The following CADPS2 variants were observed in gnomAD, a reference collection of about 807,000 sequenced individuals.
The protein encoded by CADPS2 is calcium dependent secretion activator 2.
In CADPS2, 93 loss-of-function variants were observed where a neutral mutation model predicts 172.5. The ratio of observed to expected loss-of-function variants is 0.54; its 90% CI spans 0.46 to 0.64. The LOEUF (loss-of-function observed/expected upper bound fraction) is 0.64, where lower values mean the gene tolerates loss of function less well. CADPS2 is among the 30% of genes least tolerant of loss of function. CADPS2 has a pLI of 0.00. For missense variants in CADPS2, 1,420 were observed against 1,565.9 expected, an observed-to-expected ratio of 0.91 and a Z score of 1.57; for synonymous variants, 546 against 555.2, an observed-to-expected ratio of 0.98 and a Z score of 0.23.
intron 3 of CADPS2, among the ~76,000 whole-genome samples, chr7:122,641,703 G>T (rs1483398994): frequency 6.6e-6 from 1 of 151,944 alleles, no homozygotes; most frequent in Non-Finnish European, 1.5e-5. Context: ...CTTTGTAAAG[G>T]AACACTAAAA....
intron 3 of CADPS2, among the ~76,000 whole-genome samples, chr7:122,660,884 T>C (rs1236923053): frequency 6.6e-6 from 1 of 152,008 alleles, no homozygotes; most frequent in Non-Finnish European, 1.5e-5. Context: ...CCCTCCAGCC[T>C]GGACAACAGA....
At chr7:122,513,394 G>A in intron 8 of CADPS2, 79 bp from the exon 9 acceptor site, 2 of 1,197,756 alleles carry the variant, frequency 1.7e-6, no homozygotes, top group South Asian at 1.4e-5. Context: ...TCTTCCATAG[G>A]TATTTATTTT....
chr7:122,635,893 ATCTAT>A (rs1159182153), intron 3 of CADPS2, among the ~76,000 whole-genome samples: 2 of 151,348 alleles, frequency 1.3e-5, no homozygotes, highest in Non-Finnish European at 2.9e-5. Context: ...TTGGTTTCAA[ATCTAT>A]TCTATCTGAT....
intron 1 of CADPS2, among the ~76,000 whole-genome samples, chr7:122,766,679 A>G (rs1043372097): frequency 1.3e-5 from 2 of 152,166 alleles, no homozygotes; most frequent in Non-Finnish European, 2.9e-5. Context: ...TACCAGTGTA[A>G]AAGTAAAGCT....
intron 29 of CADPS2, among the ~76,000 whole-genome samples, chr7:122,324,978 C>CA (rs1294980518): frequency 2.0e-5 from 3 of 152,048 alleles, no homozygotes; most frequent in Admixed American, 6.6e-5. Flanking sequence ...CTCCAACACT[C>CA]AAACTGATTA....
At chr7:122,524,235 T>C (rs997448436) in intron 8 of CADPS2, among the ~76,000 whole-genome samples, 1 of 152,220 alleles carries the variant, frequency 6.6e-6, no homozygotes. Flanking sequence ...TCCCAAGATA[T>C]AACAAAATGA....
At chr7:122,642,277 C>G (rs1415079824) in intron 3 of CADPS2, among the ~76,000 whole-genome samples, 2 of 104,434 alleles carry the variant, frequency 1.9e-5, no homozygotes, top group Admixed American at 1.0e-4. Context: ...GAGACTCCAT[C>G]TCAAAAAAAA....
In CADPS2 at chr7:122,379,422, T is replaced by C. The variant is rs2042735249; in HGVS notation, c.3333A>G (p.Ile1111Met). The C allele has an allele frequency of 6.2e-7, 1 of 1,603,398 alleles. No individual in the cohort carries two copies. Among genetic ancestry groups the C allele is most frequent in the East Asian group, 2.2e-5 (1 of 44,640 alleles). ...TTACACTGTTGTCGATCAGATCATC[T>C]ATTTTTGAATGGTACTGTTGCTAGA... ...GGQEQQYHSKIDDLIDNSVKE... is the reference protein window; with the variant it reads ...GGQEQQYHSKMDDLIDNSVKE... The change falls in exon 25 of 30, where the codon ATA becomes ATG. Residue 1111 changes from isoleucine (I) to methionine (M), a missense_variant. By Grantham distance (10) the Ile-to-Met change is conservative. Coordinates refer to ENST00000449022, the MANE Select transcript of CADPS2 (RefSeq NM_017954.11).
In CADPS2 at chr7:122,645,250, T is replaced by C. The variant is rs564264638; in HGVS notation, c.787-15922A>G. ...CGCTAAGTATATATATACACACATG[T>C]ACATGTGTGTATACATGTACATATA... On this transcript the variant is annotated intron_variant, in intron 3 of 29. Transcript: ENST00000449022. Among the ~76,000 whole-genome samples, 67 of 144,988 alleles carry C rather than the reference T, an allele frequency of 4.6e-4. 2 individuals are homozygous for C. The highest frequency in any genetic ancestry group is 8.3e-4 in the Non-Finnish European group (55 of 66,036).
At chr7:122,796,297 T>C (rs1264380601) in intron 1 of CADPS2, among the ~76,000 whole-genome samples, 1 of 152,214 alleles carries the variant, frequency 6.6e-6, no homozygotes, top group Non-Finnish European at 1.5e-5. Flanking sequence ...AAGCAATTTA[T>C]AATTCAATGC....
chr7:122,387,599 A>G (rs557633898), intron 23 of CADPS2, among the ~76,000 whole-genome samples: 1 of 152,222 alleles, frequency 6.6e-6, no homozygotes, highest in East Asian at 1.9e-4. Context: ...AATAAGCACA[A>G]ACCTAGAAAA....
chr7:122,581,559 A>G (rs1008295794), intron 6 of CADPS2, among the ~76,000 whole-genome samples: 2 of 152,160 alleles, frequency 1.3e-5, no homozygotes, highest in African/African-American at 2.4e-5. Context: ...AGGTAAAGCA[A>G]TATAGTTGTA....
At chr7:122,688,287 T>C (rs1316819009) in intron 2 of CADPS2, among the ~76,000 whole-genome samples, 1 of 152,208 alleles carries the variant, frequency 6.6e-6, no homozygotes. Flanking sequence ...CACCAGCAAG[T>C]GAAATCAAAG....
chr7:122,619,207 T>C (rs1024446659), intron 5 of CADPS2, among the ~76,000 whole-genome samples: 6 of 152,192 alleles, frequency 3.9e-5, no homozygotes, highest in African/African-American at 1.4e-4. Flanking sequence ...TTTAAGATTT[T>C]TGAACAATAG....
intron 25 of CADPS2, 24 bp from the exon 26 acceptor site, chr7:122,361,037 T>C: frequency 1.3e-6 from 2 of 1,580,356 alleles, no homozygotes; most frequent in Non-Finnish European, 1.7e-6. Context: ...ATAGTGAGTA[T>C]TTAGAATGTT....
chr7:122,617,829 C>G (rs1284557688), intron 5 of CADPS2, among the ~76,000 whole-genome samples: 12 of 152,184 alleles, frequency 7.9e-5, no homozygotes, highest in East Asian at 5.8e-4. Context: ...ATATCATGAG[C>G]TCAGGAGATC....
chr7:122,373,883 AG>A (rs2042050458), intron 25 of CADPS2, among the ~76,000 whole-genome samples: 1 of 152,198 alleles, frequency 6.6e-6, no homozygotes, highest in Admixed American at 6.5e-5. Context: ...AAAACAGAAG[AG>A]GGAACACTTC....
At chr7:122,681,342 C>T (rs932286810) in intron 2 of CADPS2, 34 of 1,413,570 alleles carry the variant, frequency 2.4e-5, no homozygotes, top group Non-Finnish European at 2.9e-5. Context: ...GAACAATGGT[C>T]GTGCCAAAAA....
At chr7:122,641,882 A>G (rs552295540) in intron 3 of CADPS2, among the ~76,000 whole-genome samples, 14 of 152,256 alleles carry the variant, frequency 9.2e-5, no homozygotes, top group Admixed American at 2.6e-4. Flanking sequence ...AAAAGTAAAA[A>G]TAGTAAGTAA....
Sources: gnomAD v4.1 joint callset for allele counts (sites outside exome capture counted in the v4.1 genomes callset) on GRCh38, gnomAD v4.1.1 for gene constraint, MANE v1.5 for transcripts, NCBI Gene and HGNC (gene_info 2026-07-23, HGNC 2026-07-21) for gene names.